The following AXDND1 variants were observed in gnomAD, a reference collection of about 807,000 sequenced individuals.
AXDND1 encodes axonemal dynein light chain domain containing 1, also known as axonemal dynein light chain domain-containing protein 1.
A neutral mutation model predicts 137.5 loss-of-function variants in AXDND1; 110 were observed. The ratio of observed to expected loss-of-function variants is 0.80; its 90% confidence interval spans 0.69 to 0.94. AXDND1 has a LOEUF of 0.94. Among genes scored for constraint, AXDND1 ranks in the 40% least tolerant of loss-of-function variants. AXDND1 has a pLI of 0.00. For missense variants in AXDND1, 1,191 were observed against 1,169.8 expected (o/e 1.02, Z -0.26); for synonymous variants, 414 against 399.7 (o/e 1.04, Z -0.43).
At chr1:179,534,564 C>G (rs139419643) in intron 24 of AXDND1, 166 bp from the exon 25 acceptor site, 2 of 773,158 alleles carry the variant, frequency 2.6e-6, no homozygotes, top group African/African-American at 3.6e-5. Flanking sequence ...TTCAGAGTCG[C>G]TCCTGGGCCC....
At chr1:179,469,688 A>G (rs1457813797) in intron 17 of AXDND1, among the ~76,000 whole-genome samples, 1 of 152,208 alleles carries the variant, frequency 6.6e-6, no homozygotes, top group Non-Finnish European at 1.5e-5. Flanking sequence ...ACTTGCCAAT[A>G]CTTATTATCT....
intron 25 of AXDND1, among the ~76,000 whole-genome samples, chr1:179,536,551 G>C (rs1338997265): frequency 6.6e-6 from 1 of 152,136 alleles, no homozygotes. Context: ...GGAGGCCTCT[G>C]TTCTGTTCCG....
At chr1:179,541,639 A>ATAATATATGCATGT (rs148251842) in intron 25 of AXDND1, among the ~76,000 whole-genome samples, 7 of 151,620 alleles carry the variant, frequency 4.6e-5, no homozygotes, top group South Asian at 2.1e-4. Flanking sequence ...GCATATATTT[A>ATAATATATGCATGT]TAATATATGC....
At chr1:179,473,709 G>T (rs1446345486) in intron 17 of AXDND1, among the ~76,000 whole-genome samples, 1 of 152,142 alleles carries the variant, frequency 6.6e-6, no homozygotes, top group Non-Finnish European at 1.5e-5. Context: ...AAGGTGATTA[G>T]ATCATGAGAG....
At chr1:179,396,077 G>A (rs1482450402) in intron 11 of AXDND1, among the ~76,000 whole-genome samples, 4 of 151,654 alleles carry the variant, frequency 2.6e-5, no homozygotes, top group Non-Finnish European at 4.4e-5. Context: ...GCTGAGGCAT[G>A]AGAATTGCTT....
At chr1:179,525,255 G>C (rs1339087700) in intron 21 of AXDND1, 79 bp from the exon 22 acceptor site, 1 of 1,383,538 alleles carries the variant, frequency 7.2e-7, no homozygotes, top group Non-Finnish European at 9.7e-7. Context: ...TGCAGGATTA[G>C]TGCTCATTAA....
At chr1:179,399,678 C>T (rs12732167) in intron 11 of AXDND1, among the ~76,000 whole-genome samples, 44,324 of 152,068 alleles carry the variant, frequency 0.29, 6,661 homozygotes, top group Non-Finnish European at 0.31. Flanking sequence ...ATCTATACAT[C>T]TGACAAAGGA....
chr1:179,509,258 G>A lies in AXDND1; in HGVS notation c.2389-38G>A, dbSNP rs189754135. The A allele has an allele frequency of 2.7e-5, 36 of 1,353,094 alleles. No individual in the cohort carries two copies. In the Admixed American group the frequency reaches 5.6e-4, roughly 21 times the overall value. 83.8% of individuals were successfully genotyped at this position (1,353,094 alleles called of 1,614,324 possible). ...TCAATAGCGGTGAGTGAATAAATGA[G>A]CTGGTTTTTCTGCTTGTAATCTTTT... is the stretch of plus-strand genomic sequence containing the variant. On this transcript the variant is annotated intron_variant, in intron 20 of 25. Transcript: ENST00000367618.
intron 25 of AXDND1, chr1:179,545,737 C>T (rs527741993): frequency 2.2e-4 from 33 of 152,352 alleles, no homozygotes; most frequent in African/African-American, 6.7e-4. Flanking sequence ...GAACATGAGC[C>T]TTGTCCCTTA....
chr1:179,464,569 T>C (rs910035345), intron 16 of AXDND1, among the ~76,000 whole-genome samples: 3 of 152,290 alleles, frequency 2.0e-5, no homozygotes, highest in South Asian at 2.1e-4. Flanking sequence ...ATTTCAACTT[T>C]GGTGAATCTG....
rs768051779 is a variant in AXDND1, at chr1:179,525,405, G to T, written c.2568G>T (p.Glu856Asp). The change falls in exon 22 of 26, where the codon GAG becomes GAT. Residue 856 changes from glutamate (E) to aspartate (D), a missense_variant. Coordinates refer to ENST00000367618, the MANE Select transcript of AXDND1 (RefSeq NM_144696.6). ...AAGAAGATGAAGAAGAAAGTAAGGA[G>T]GATAGGAAACTTCAGGAGGAAAATA... ...SFKEDEEESK[E>D]DRKLQEENKE... is the part of the protein sequence containing the mutation. The T allele has an allele frequency of 6.2e-7, 1 of 1,611,986 alleles. No homozygotes were observed. The highest frequency in any genetic ancestry group is 8.5e-7 in the Non-Finnish European group (1 of 1,178,788).
chr1:179,551,762 T>C (rs1043176480), intron 25 of AXDND1: 27 of 367,236 alleles, frequency 7.4e-5, no homozygotes, highest in Non-Finnish European at 1.3e-4. Flanking sequence ...TTAGCCAGCA[T>C]TCCATGCAAA....
chr1:179,493,697 A>T (rs1219822202), intron 20 of AXDND1, among the ~76,000 whole-genome samples: 1 of 152,220 alleles, frequency 6.6e-6, no homozygotes, highest in Non-Finnish European at 1.5e-5. Context: ...ATATTTCAAA[A>T]TAGCTAGAAG....
In AXDND1 at chr1:179,370,066, C is replaced by G; in HGVS notation, c.362C>G (p.Thr121Arg). 15 of 1,610,848 alleles carry G rather than the reference C, an allele frequency of 9.3e-6. No homozygotes were observed. The highest frequency in any genetic ancestry group is 1.3e-5 in the Non-Finnish European group (15 of 1,177,374). The change falls in exon 4 of 26, where the codon ACA becomes AGA. Residue 121 changes from threonine to arginine, a missense_variant. Coordinates refer to ENST00000367618, the MANE Select transcript of AXDND1 (RefSeq NM_144696.6). Reference protein sequence around the residue: ...KYLIDHPVSLTGAGRDISFLY... With the variant: ...KYLIDHPVSLRGAGRDISFLY... Reference sequence around the variant, plus strand: ...CTGATTGACCATCCCGTCTCCCTCACAGGAGCTGGAAGGTAAAGAAGGAAG... The same window carrying G: ...CTGATTGACCATCCCGTCTCCCTCAGAGGAGCTGGAAGGTAAAGAAGGAAG...
At chr1:179,513,244 G>A (rs899105253) in intron 21 of AXDND1, among the ~76,000 whole-genome samples, 12 of 152,260 alleles carry the variant, frequency 7.9e-5, no homozygotes, top group African/African-American at 2.9e-4. Context: ...TCCATTGTAT[G>A]CTGATTTTGC....
At chr1:179,445,238 G>A (rs781166063) in intron 16 of AXDND1, 34 bp downstream of exon 16, 3 of 1,283,860 alleles carry the variant, frequency 2.3e-6, no homozygotes, top group Admixed American at 2.7e-5. Context: ...AGATTTCTTG[G>A]TATAAAATGT....
chr1:179,551,219 G>A (rs768932711), intron 25 of AXDND1: 2 of 1,614,136 alleles, frequency 1.2e-6, no homozygotes, highest in South Asian at 2.2e-5. Flanking sequence ...TGGCTCAACA[G>A]GTTTGGAAGG....
intron 25 of AXDND1, among the ~76,000 whole-genome samples, chr1:179,540,777 C>T (rs977991513): frequency 6.6e-6 from 1 of 152,210 alleles, no homozygotes; most frequent in African/African-American, 2.4e-5. Flanking sequence ...TCTGCTGAAG[C>T]TGTGCCCACC....
At chr1:179,447,490 G>T in intron 16 of AXDND1, 1 of 471,330 alleles carries the variant, frequency 2.1e-6, no homozygotes, top group Non-Finnish European at 3.7e-6. Context: ...TATTCATTAG[G>T]AATAGGTATA....
Sources: allele counts gnomAD v4.1 joint callset (sites outside exome capture counted in the v4.1 genomes callset), GRCh38; gene constraint gnomAD v4.1.1; transcripts MANE v1.5; gene names NCBI Gene and HGNC (gene_info 2026-07-23, HGNC 2026-07-21).